The following GPBP1L1 variants were observed in gnomAD, a reference collection of about 807,000 sequenced individuals.
GPBP1L1 encodes the protein vasculin-like protein 1.
In GPBP1L1, 23 loss-of-function variants were observed where a neutral mutation model predicts 52.5. That is an observed-to-expected ratio of 0.44 (90% CI 0.32 to 0.62). The LOEUF (loss-of-function observed/expected upper bound fraction) is 0.62. Among genes scored for constraint, GPBP1L1 ranks in the 20% least tolerant of loss-of-function variants. The pLI is 0.06. For missense variants in GPBP1L1, 596 were observed against 579.3 expected, an observed-to-expected ratio of 1.03 and a Z score of -0.30; for synonymous variants, 243 against 203.1, an observed-to-expected ratio of 1.20 and a Z score of -1.67.
chr1:45,636,900 T>A (rs1644600822), intron 8 of GPBP1L1, among the ~76,000 whole-genome samples: 1 of 152,224 alleles, frequency 6.6e-6, no homozygotes, highest in Non-Finnish European at 1.5e-5. Context: ...GGTTTTGAAG[T>A]CAGACCTGAG....
chr1:45,673,056 G>A (rs1645093174), intron 2 of GPBP1L1, among the ~76,000 whole-genome samples: 1 of 152,170 alleles, frequency 6.6e-6, no homozygotes, highest in Non-Finnish European at 1.5e-5. Flanking sequence ...GCACTGATAG[G>A]AATAACCCAG....
At chr1:45,630,365 A>T (rs1203310824) in intron 11 of GPBP1L1, 117 bp downstream of exon 11, 2 of 1,214,868 alleles carry the variant, frequency 1.6e-6, no homozygotes, top group East Asian at 4.7e-5. Context: ...AGAACAAGTT[A>T]TGACTGGGCC....
chr1:45,669,977 C>A (rs990415505), intron 2 of GPBP1L1, among the ~76,000 whole-genome samples: 1 of 152,240 alleles, frequency 6.6e-6, no homozygotes, highest in African/African-American at 2.4e-5. Flanking sequence ...AGAACACTAT[C>A]TGGAACATAG....
At chr1:45,651,230 G>C in intron 6 of GPBP1L1, 1 of 426,496 alleles carries the variant, frequency 2.3e-6, no homozygotes, top group South Asian at 1.8e-5. Flanking sequence ...GCAACCAGTG[G>C]TGCAGGTCTT....
chr1:45,631,700 T>C (rs1428842325), intron 10 of GPBP1L1, among the ~76,000 whole-genome samples: 2 of 152,210 alleles, frequency 1.3e-5, no homozygotes, highest in African/African-American at 2.4e-5. Context: ...GTGGGAGGAC[T>C]GCTTGAGTCT....
intron 8 of GPBP1L1, among the ~76,000 whole-genome samples, chr1:45,637,537 A>AGGTTTGTTTTTTCAGCAGCAGCCTTTG (rs1557696863): frequency 1.0e-5 from 1 of 99,016 alleles, no homozygotes; most frequent in Admixed American, 1.1e-4. Context: ...AGCAGCCTTT[A>AGGTTTGTTTTTTCAGCAGCAGCCTTTG]TATTAGTTTT....
intron 11 of GPBP1L1, among the ~76,000 whole-genome samples, chr1:45,630,231 A>G (rs1046865363): frequency 1.3e-5 from 2 of 152,204 alleles, no homozygotes; most frequent in African/African-American, 4.8e-5. Flanking sequence ...GATTACAGGC[A>G]TGAGCCACTG....
At chr1:45,641,574 T>A (rs1391853933) in intron 7 of GPBP1L1, 1 of 152,126 alleles carries the variant, frequency 6.6e-6, no homozygotes, top group Non-Finnish European at 1.5e-5. Context: ...ATCTCAGCAC[T>A]TTGAGAGGCC....
At chr1:45,631,237 C>CT (rs1295084619) in intron 10 of GPBP1L1, among the ~76,000 whole-genome samples, 2 of 151,960 alleles carry the variant, frequency 1.3e-5, no homozygotes, top group Non-Finnish European at 2.9e-5. Flanking sequence ...TTGGGTATGA[C>CT]ATTTATTTAT....
intron 8 of GPBP1L1, among the ~76,000 whole-genome samples, chr1:45,637,483 C>T (rs933675052): frequency 3.8e-5 from 4 of 106,654 alleles, no homozygotes; most frequent in Admixed American, 9.9e-5. Flanking sequence ...ACCATCTCTG[C>T]CATTCTCTGC....
intron 2 of GPBP1L1, among the ~76,000 whole-genome samples, chr1:45,682,800 A>G (rs1233483406): frequency 6.6e-6 from 1 of 152,224 alleles, no homozygotes; most frequent in Non-Finnish European, 1.5e-5. Flanking sequence ...CAGTTAAAGT[A>G]TACCTGTGGA....
intron 6 of GPBP1L1, among the ~76,000 whole-genome samples, chr1:45,649,701 A>G (rs900900490): frequency 1.3e-5 from 2 of 152,188 alleles, no homozygotes; most frequent in African/African-American, 4.8e-5. Flanking sequence ...TCATACAGTA[A>G]AATGTACACA....
In GPBP1L1 at chr1:45,642,369, C is replaced by T. The variant is rs113468548; in HGVS notation, c.550+58G>A. On this transcript the variant is annotated intron_variant, in intron 7 of 12. Coordinates refer to ENST00000355105, the MANE Select transcript of GPBP1L1 (RefSeq NM_021639.5). ...AAAAGAGATAAGGAATCTTTGCTCC[C>T]CTCCCTGCTAAGAAAAAATTTTAAA... The T allele has an allele frequency of 7.3e-3, 8,125 of 1,105,666 alleles. 35 individuals carry two copies. Among genetic ancestry groups the T allele is most frequent in the Non-Finnish European group, 8.9e-3 (6,461 of 723,128 alleles). 68.5% of individuals were successfully genotyped at this position (1,105,666 alleles called of 1,614,324 possible).
At chr1:45,641,342 A>G (rs1644669292) in intron 7 of GPBP1L1, among the ~76,000 whole-genome samples, 1 of 152,058 alleles carries the variant, frequency 6.6e-6, no homozygotes, top group South Asian at 2.1e-4. Flanking sequence ...GGTTTGAAAT[A>G]CAGATTCCTA....
At chr1:45,669,810 G>C (rs1645053362) in intron 2 of GPBP1L1, among the ~76,000 whole-genome samples, 1 of 152,226 alleles carries the variant, frequency 6.6e-6, no homozygotes, top group Admixed American at 6.5e-5. Flanking sequence ...TCAAAGAACT[G>C]AGTGGCACTG....
In GPBP1L1 at chr1:45,640,361, A is replaced by G; in HGVS notation, c.593T>C (p.Ile198Thr). ...AGGATCCTCTTTGGAAACTTTTTTG[A>G]TAACTAGCATCTTGGAGGGTTGCTT... ...SAKQPSKMLVIKKVSKEDPAA... is the reference protein window; with the variant it reads ...SAKQPSKMLVTKKVSKEDPAA... The change falls in exon 8 of 13, where the codon ATC becomes ACC. Residue 198 changes from isoleucine (I) to threonine (T), a missense_variant. Coordinates refer to ENST00000355105, the MANE Select transcript of GPBP1L1 (RefSeq NM_021639.5). 6.2e-7 allele frequency: 1 copy of G among 1,614,160 alleles called. No homozygotes were observed. The highest frequency in any genetic ancestry group is 8.5e-7 in the Non-Finnish European group (1 of 1,180,032).
At chr1:45,687,015 G>C (rs1645298471), upstream of GPBP1L1, 1 of 152,298 alleles carries the variant, frequency 6.6e-6, no homozygotes, top group African/African-American at 2.4e-5. Context: ...TTGCAAACCG[G>C]TTTCGGAGGA....
At chr1:45,649,238 T>C (rs1644791092) in intron 6 of GPBP1L1, among the ~76,000 whole-genome samples, 1 of 152,348 alleles carries the variant, frequency 6.6e-6, no homozygotes, top group African/African-American at 2.4e-5. Flanking sequence ...TACCCTTAAA[T>C]ATGTATTTCC....
intron 2 of GPBP1L1, among the ~76,000 whole-genome samples, chr1:45,669,384 C>A (rs1403362792): frequency 3.9e-5 from 6 of 152,220 alleles, no homozygotes; most frequent in African/African-American, 1.4e-4. Flanking sequence ...CTCCTGGCCT[C>A]AAGGGGCCCT....
Sources: allele counts gnomAD v4.1 joint callset (sites outside exome capture counted in the v4.1 genomes callset), GRCh38; gene constraint gnomAD v4.1.1; transcripts MANE v1.5; gene names NCBI Gene and HGNC (gene_info 2026-07-23, HGNC 2026-07-21).